Variants in PREX2 observed in about 807,000 individuals in gnomAD.
PREX2 encodes the protein phosphatidylinositol 3,4,5-trisphosphate-dependent Rac exchanger 2 protein.
In PREX2, 107 loss-of-function variants were observed where a neutral mutation model predicts 203.2. The ratio of observed to expected loss-of-function variants is 0.53; its 90% CI spans 0.45 to 0.62. The LOEUF (loss-of-function observed/expected upper bound fraction) is 0.62, where lower values mean the gene tolerates loss of function less well. Ranked by LOEUF, PREX2 falls within the 20% of genes least tolerant of loss-of-function variation. The pLI, the probability that PREX2 is intolerant of heterozygous loss-of-function variation, is 0.00. For missense variants in PREX2, 1,777 were observed against 1,955.9 expected, an observed-to-expected ratio of 0.91 and a Z score of 1.72; for synonymous variants, 672 against 663.6, an observed-to-expected ratio of 1.01 and a Z score of -0.19.
chr8:68,056,267 G>A (rs1414210716), intron 10 of PREX2, among the ~76,000 whole-genome samples: 1 of 152,118 alleles, frequency 6.6e-6, no homozygotes, highest in Admixed American at 6.5e-5. Flanking sequence ...CAGGCAGGTA[G>A]GTTTGCCTGC....
intron 30 of PREX2, among the ~76,000 whole-genome samples, chr8:68,122,056 A>G (rs1168850273): frequency 6.6e-6 from 1 of 152,116 alleles, no homozygotes; most frequent in Non-Finnish European, 1.5e-5. Flanking sequence ...AATTAAAGAG[A>G]GCTGTAAATT....
intron 22 of PREX2, among the ~76,000 whole-genome samples, 169 bp downstream of exon 22, chr8:68,097,370 G>A (rs967323417): frequency 6.6e-6 from 1 of 151,640 alleles, no homozygotes; most frequent in Non-Finnish European, 1.5e-5. Context: ...TGTCACCCAG[G>A]TGAGAGTGCA....
chr8:68,027,149 T>G (rs1807743428), intron 4 of PREX2, 73 bp from the exon 5 acceptor site: 1 of 1,125,750 alleles, frequency 8.9e-7, no homozygotes, highest in South Asian at 1.3e-5. Context: ...GTTTTTAGCA[T>G]TTTATGGTGG....
At chr8:67,996,602 C>T (rs970757711) in intron 1 of PREX2, among the ~76,000 whole-genome samples, 1 of 152,056 alleles carries the variant, frequency 6.6e-6, no homozygotes, top group Admixed American at 6.6e-5. Context: ...CTATTAATTT[C>T]CTTAATTGTA....
chr8:68,103,827 C>CT (rs1160326193), intron 23 of PREX2, among the ~76,000 whole-genome samples: 3 of 152,134 alleles, frequency 2.0e-5, no homozygotes, highest in African/African-American at 7.2e-5. Flanking sequence ...CTGACTCCGC[C>CT]TTTTCTCCCC....
intron 1 of PREX2, among the ~76,000 whole-genome samples, chr8:67,994,306 C>T (rs933868747): frequency 6.6e-6 from 1 of 152,134 alleles, no homozygotes; most frequent in Non-Finnish European, 1.5e-5. Flanking sequence ...TTAGTCCAGC[C>T]CAAGAGTCAC....
At chr8:68,218,364 T>A (rs1015051052) in intron 38 of PREX2, among the ~76,000 whole-genome samples, 1 of 152,162 alleles carries the variant, frequency 6.6e-6, no homozygotes, top group Non-Finnish European at 1.5e-5. Flanking sequence ...AAAGTTATTT[T>A]AAAAAATGCA....
At chr8:68,011,228 T>C (rs773047820) in intron 1 of PREX2, among the ~76,000 whole-genome samples, 17 of 152,126 alleles carry the variant, frequency 1.1e-4, no homozygotes, top group Non-Finnish European at 2.2e-4. Context: ...GCTTTTTTTT[T>C]CTCTGATCAT....
In PREX2 at chr8:68,118,587, A is replaced by G; in HGVS notation, c.3364A>G (p.Thr1122Ala). 1.2e-6 allele frequency: 2 copies of G among 1,614,050 alleles called. No homozygotes were observed. The highest frequency in any genetic ancestry group is 1.7e-6 in the Non-Finnish European group (2 of 1,179,950). Residue 1122 changes from threonine to alanine, a missense_variant, in exon 27 of 40, where the codon ACC (threonine) becomes GCC (alanine). By Grantham distance (58) the Thr-to-Ala change is moderately conservative. Transcript: ENST00000288368. ...NSNRNSIASF[T>A]SICSSQCSSY... The stretch of plus-strand genomic sequence containing the variant: ...CAATAGGAATTCCATCGCCTCCTTC[A>G]CCAGCATCTGCAGCAGCCAGTGCAG...
chr8:68,030,113 A>C lies in PREX2; in HGVS notation c.544-384A>C, dbSNP rs151301205. ...TTATTTTTGAAATTATGACATACTT[A>C]AAGATTTGTTATTCTGTTAAAGACC... On this transcript the variant is annotated intron_variant, in intron 5 of 39. Coordinates refer to ENST00000288368, the MANE Select transcript of PREX2 (RefSeq NM_024870.4). 1.5e-3 allele frequency among the ~76,000 whole-genome samples: 226 copies of C among 152,284 alleles called. 2 individuals are homozygous for C. Among genetic ancestry groups the C allele is most frequent in the Middle Eastern group, 0.014 (4 of 294 alleles).
At chr8:68,146,433 G>A in intron 34 of PREX2, 81 bp downstream of exon 34, 1 of 1,227,676 alleles carries the variant, frequency 8.1e-7, no homozygotes, top group South Asian at 1.5e-5. Context: ...GATTTTAACA[G>A]TTGGGATTTT....
intron 1 of PREX2, among the ~76,000 whole-genome samples, chr8:67,982,397 T>C (rs978928790): frequency 6.6e-6 from 1 of 152,092 alleles, no homozygotes; most frequent in Non-Finnish European, 1.5e-5. Flanking sequence ...CACTCCAGCC[T>C]GGGCAACAGA....
chr8:68,036,555 C>A (rs1325968592), intron 6 of PREX2, among the ~76,000 whole-genome samples: 1 of 152,056 alleles, frequency 6.6e-6, no homozygotes, highest in Non-Finnish European at 1.5e-5. Flanking sequence ...ATTAATACCA[C>A]TTTGCTTAAT....
chr8:68,220,721 T>A (rs190163442), intron 38 of PREX2, among the ~76,000 whole-genome samples: 1 of 152,198 alleles, frequency 6.6e-6, no homozygotes, highest in Non-Finnish European at 1.5e-5. Context: ...TACTCATTTT[T>A]GTATCACAGT....
At chr8:68,219,419 T>C (rs915655377) in intron 38 of PREX2, among the ~76,000 whole-genome samples, 1 of 152,160 alleles carries the variant, frequency 6.6e-6, no homozygotes. Context: ...TTGATGTGTA[T>C]TATGTAAGTA....
intron 1 of PREX2, among the ~76,000 whole-genome samples, chr8:68,007,662 T>C (rs1807134714): frequency 6.6e-6 from 1 of 152,214 alleles, no homozygotes; most frequent in Non-Finnish European, 1.5e-5. Context: ...CAGGCTGGAG[T>C]GCAGTGGCGC....
At chr8:68,108,379 C>T in intron 24 of PREX2, 48 bp downstream of exon 24, 1 of 1,378,318 alleles carries the variant, frequency 7.3e-7, no homozygotes, top group South Asian at 1.2e-5. Flanking sequence ...GCAATTTAGG[C>T]AATCATAGCT....
chr8:68,217,492 G>A (rs894422098), intron 37 of PREX2, 124 bp from the exon 38 acceptor site: 6 of 634,568 alleles, frequency 9.5e-6, no homozygotes, highest in South Asian at 3.9e-5. Context: ...AAAAATCAGC[G>A]GTTCATTGTC....
At chr8:68,038,037 C>T (rs1808085371) in intron 6 of PREX2, 122 bp from the exon 7 acceptor site, 1 of 1,050,440 alleles carries the variant, frequency 9.5e-7, no homozygotes, top group East Asian at 2.5e-5. Flanking sequence ...ACTGCTTGCA[C>T]TTTAGCCTGT....
Sources: allele counts gnomAD v4.1 joint callset (sites outside exome capture counted in the v4.1 genomes callset), GRCh38; gene constraint gnomAD v4.1.1; transcripts MANE v1.5; gene names NCBI Gene and HGNC (gene_info 2026-07-23, HGNC 2026-07-21).